Variants in GPC5 observed in about 807,000 individuals in gnomAD.
GPC5 encodes the protein glypican-5.
GPC5 carries 47 observed loss-of-function variants against 53.9 expected under a neutral mutation model. That is an observed-to-expected ratio of 0.87 (90% CI 0.69 to 1.11). GPC5 has a LOEUF of 1.11. GPC5 is among the 50% of genes most tolerant of loss of function. GPC5 has a pLI of 0.00. For missense variants in GPC5, 748 were observed against 713.1 expected (o/e 1.05, Z -0.56); for synonymous variants, 286 against 263.3 (o/e 1.09, Z -0.84).
intron 6 of GPC5, among the ~76,000 whole-genome samples, chr13:92,089,670 C>T (rs2182498): frequency 0.99 from 150,262 of 152,286 alleles, 74,160 homozygotes; most frequent in Middle Eastern, 1. Flanking sequence ...AACTATTTGA[C>T]GTTCAATTTA....
At chr13:91,960,527 A>G (rs1022746730) in intron 6 of GPC5, among the ~76,000 whole-genome samples, 3 of 151,982 alleles carry the variant, frequency 2.0e-5, no homozygotes, top group African/African-American at 7.2e-5. Context: ...CTATAAAAAG[A>G]CCAATTTCAT....
At chr13:92,508,936 G>A (rs1880469543) in intron 7 of GPC5, among the ~76,000 whole-genome samples, 1 of 152,106 alleles carries the variant, frequency 6.6e-6, no homozygotes, top group Non-Finnish European at 1.5e-5. Flanking sequence ...ATGAAGGACT[G>A]GGCGCCTACT....
In GPC5 at chr13:92,527,251, GAAAGAA is replaced by G. The variant is rs1238433005; in HGVS notation, c.1562-339029_1562-339024del. Among the ~76,000 whole-genome samples, 11 of 57,530 alleles carry G rather than the reference GAAAGAA, an allele frequency of 1.9e-4. 1 individual carries two copies. Among genetic ancestry groups the G allele is most frequent in the African/African-American group, 1.0e-3 (11 of 10,770 alleles). 37.7% of individuals were successfully genotyped at this position (57,530 alleles called of 152,430 possible). Reference sequence around the variant, plus strand: ...AAAGAAAGAAAGAAAGAAAGAAAGAGAAAGAAAGAAAGAAAGAAAGAAAGAAAGAAA... The same window carrying G: ...AAAGAAAGAAAGAAAGAAAGAAAGAGAGAAAGAAAGAAAGAAAGAAAGAAA... On this transcript the variant is annotated intron_variant, in intron 7 of 7. Transcript: ENST00000377067.
At chr13:91,423,016 T>C (rs184846276) in intron 1 of GPC5, among the ~76,000 whole-genome samples, 3 of 152,222 alleles carry the variant, frequency 2.0e-5, no homozygotes, top group African/African-American at 4.8e-5. Context: ...AAAAAGTACC[T>C]CCTTAACTTG....
chr13:92,653,981 G>C (rs1167193142), intron 7 of GPC5, among the ~76,000 whole-genome samples: 1 of 152,220 alleles, frequency 6.6e-6, no homozygotes, highest in Non-Finnish European at 1.5e-5. Flanking sequence ...AGTTGCAAGA[G>C]AGCCTGACTT....
In GPC5 at chr13:92,613,686, AAT is replaced by A. The variant is rs1315606496; in HGVS notation, c.1562-252587_1562-252586del. On this transcript the variant is annotated intron_variant, in intron 7 of 7. Coordinates refer to ENST00000377067, the MANE Select transcript of GPC5 (RefSeq NM_004466.6). ...ATATTTTATTATATATATTTTATAT[AAT>A]ATATATATTATATATATATAAAATC... is the stretch of plus-strand genomic sequence containing the variant. Among the ~76,000 whole-genome samples the A allele has an allele frequency of 1.8e-4, 25 of 138,088 alleles. 1 individual carries two copies. The highest frequency in any genetic ancestry group is 8.0e-5 in the African/African-American group (3 of 37,350). The allele number at this position is 138,088 out of a possible 152,430, so 90.6% of individuals were successfully genotyped here.
chr13:92,438,128 G>A (rs537763097), intron 7 of GPC5, among the ~76,000 whole-genome samples: 218 of 151,986 alleles, frequency 1.4e-3, no homozygotes, highest in Non-Finnish European at 2.0e-3. Flanking sequence ...TATGCCTACC[G>A]ATGTGTTTAG....
At chr13:92,077,462 TGG>T (rs1196428710) in intron 6 of GPC5, among the ~76,000 whole-genome samples, 8 of 152,174 alleles carry the variant, frequency 5.3e-5, no homozygotes, top group African/African-American at 1.9e-4. Flanking sequence ...GGGGATGCTT[TGG>T]AATGAATAAA....
At position 91,791,538 on chromosome 13, in the gene GPC5, T is replaced by C. The variant is rs192838386; in HGVS notation, c.1280+35118T>C. The stretch of plus-strand genomic sequence containing the variant: ...TGAGATCAGGGCAGTAAAGGACTAG[T>C]GTGACCCAACTGTATTGTAGCTAAG... On this transcript the variant is annotated intron_variant, in intron 5 of 7. Transcript: ENST00000377067. 5.8e-4 allele frequency among the ~76,000 whole-genome samples: 88 copies of C among 152,118 alleles called. 1 individual carries two copies. The highest frequency in any genetic ancestry group is 3.9e-4 in the East Asian group (2 of 5,186).
At chr13:91,642,526 G>T (rs1309140865) in intron 2 of GPC5, among the ~76,000 whole-genome samples, 1 of 152,074 alleles carries the variant, frequency 6.6e-6, no homozygotes, top group Non-Finnish European at 1.5e-5. Flanking sequence ...ATGATGATGA[G>T]ATCAACATTG....
intron 7 of GPC5, among the ~76,000 whole-genome samples, chr13:92,257,546 A>ATCTTTTTTTTTTTTTTTTTT (rs2042735128): frequency 1.4e-5 from 1 of 72,966 alleles, no homozygotes; most frequent in Non-Finnish European, 2.3e-5. Flanking sequence ...TAATACAGGG[A>ATCTTTTTTTTTTTTTTTTTT]TTTTTTTTTT....
chr13:92,465,589 G>A (rs896682343), intron 7 of GPC5, among the ~76,000 whole-genome samples: 5 of 151,944 alleles, frequency 3.3e-5, no homozygotes, highest in African/African-American at 9.7e-5. Flanking sequence ...CAAACCATGT[G>A]TATATTTTTT....
chr13:91,813,268 TG>T (rs2038341846), intron 5 of GPC5, among the ~76,000 whole-genome samples: 2 of 152,236 alleles, frequency 1.3e-5, no homozygotes, highest in Non-Finnish European at 2.9e-5. Context: ...TTCTCCCCTT[TG>T]CATTACTTTG....
chr13:92,280,801 T>A (rs998691780), intron 7 of GPC5, among the ~76,000 whole-genome samples: 2 of 152,058 alleles, frequency 1.3e-5, no homozygotes, highest in African/African-American at 4.8e-5. Flanking sequence ...ACAGCTCCAG[T>A]CTATAGCTCC....
Position 91,585,999 on chromosome 13 carries a change from AC to A in GPC5, c.326-107182del, listed in dbSNP as rs1049693967. 3.6e-5 allele frequency among the ~76,000 whole-genome samples: 5 copies of A among 138,806 alleles called. No individual in the cohort carries two copies. The East Asian group carries it at 1.2e-3, about 33-fold the overall frequency. 91.1% of individuals were successfully genotyped at this position (138,806 alleles called of 152,430 possible). A position where few individuals can be genotyped will look rare whatever the true frequency, so the allele number is the denominator to read the frequency against. Reference sequence around the variant, plus strand: ...TCAGTGTTACTGAAGTTGGTGTACAACCCCCCACCCCCCACCCCACTGGTAA... The same window carrying A: ...TCAGTGTTACTGAAGTTGGTGTACAACCCCCACCCCCCACCCCACTGGTAA... On this transcript the variant is annotated intron_variant, in intron 2 of 7. Coordinates refer to ENST00000377067, the MANE Select transcript of GPC5 (RefSeq NM_004466.6).
intron 7 of GPC5, among the ~76,000 whole-genome samples, chr13:92,604,200 C>A (rs11839187): frequency 0.017 from 2,512 of 152,104 alleles, 80 homozygotes; most frequent in African/African-American, 0.057. Flanking sequence ...GAATTCACTT[C>A]AAGGTAAACT....
intron 7 of GPC5, among the ~76,000 whole-genome samples, chr13:92,346,299 A>G (rs1266394800): frequency 6.6e-6 from 1 of 152,098 alleles, no homozygotes; most frequent in Admixed American, 6.6e-5. Context: ...CAGATCCCAT[A>G]CAGTAGAATT....
At chr13:91,474,185 A>G (rs911823351) in intron 2 of GPC5, among the ~76,000 whole-genome samples, 1 of 152,130 alleles carries the variant, frequency 6.6e-6, no homozygotes, top group Non-Finnish European at 1.5e-5. Context: ...GACATTTTGC[A>G]TATTTGTGCT....
At chr13:92,834,898 C>T (rs1878172221) in intron 7 of GPC5, among the ~76,000 whole-genome samples, 1 of 152,052 alleles carries the variant, frequency 6.6e-6, no homozygotes, top group Non-Finnish European at 1.5e-5. Context: ...AGGGAATCTT[C>T]CTTGGCACAT....
Sources: allele counts gnomAD v4.1 joint callset (sites outside exome capture counted in the v4.1 genomes callset), GRCh38; gene constraint gnomAD v4.1.1; transcripts MANE v1.5; gene names NCBI Gene and HGNC (gene_info 2026-07-23, HGNC 2026-07-21).